EIF3M: variants seen among roughly 807,000 people sequenced by gnomAD.
EIF3M encodes B5 receptor.
A neutral mutation model predicts 49.7 loss-of-function variants in EIF3M; 25 were observed. The observed-to-expected ratio is 0.50, with a 90% CI of 0.37 to 0.70. The LOEUF (loss-of-function observed/expected upper bound fraction) is 0.70. EIF3M is among the 30% of genes least tolerant of loss of function. The pLI, the probability that EIF3M is intolerant of heterozygous loss-of-function variation, is 0.00. For synonymous variants in EIF3M, 156 were observed against 149.8 expected (o/e 1.04, Z -0.30); for missense variants, 350 against 440.0 (o/e 0.80, Z 1.83).
At position 32,602,120 on chromosome 11, in the gene EIF3M, G is replaced by T. The variant is rs533897916; in HGVS notation, c.1005-159G>T. The T allele has an allele frequency of 2.3e-4, 269 of 1,178,424 alleles. No individual in the cohort carries two copies. In the African/African-American group the frequency reaches 3.7e-3, roughly 16 times the overall value. The allele number at this position is 1,178,424 out of a possible 1,614,324, so 73.0% of individuals were successfully genotyped here. On this transcript the variant is annotated intron_variant, in intron 10 of 10. Coordinates refer to ENST00000531120, the MANE Select transcript of EIF3M (RefSeq NM_006360.6). Reference sequence around the variant, plus strand: ...GAAGGCTTAGGATCAATATGGTAAAGATTTTTTTTAAATAATTATGTAATT... The same window carrying T: ...GAAGGCTTAGGATCAATATGGTAAATATTTTTTTTAAATAATTATGTAATT...
chr11:32,588,917 A>C, intron 3 of EIF3M, 95 bp from the exon 4 acceptor site: 1 of 1,545,874 alleles, frequency 6.5e-7, no homozygotes, highest in Non-Finnish European at 8.7e-7. Flanking sequence ...TGAAGTTGTT[A>C]ACGGTACCTG....
At chr11:32,594,601 T>C (rs1208523701) in intron 6 of EIF3M, 3 of 215,452 alleles carry the variant, frequency 1.4e-5, no homozygotes, top group African/African-American at 7.0e-5. Context: ...GAGGAATAAA[T>C]GAGATGTAAG....
chr11:32,597,454 A>G (rs925699102), intron 8 of EIF3M, among the ~76,000 whole-genome samples: 9 of 152,230 alleles, frequency 5.9e-5, no homozygotes, highest in African/African-American at 2.2e-4. Context: ...GTAATTTTAC[A>G]TGATAGTAAG....
At chr11:32,591,471 A>G (rs1409066323) in intron 5 of EIF3M, among the ~76,000 whole-genome samples, 5 of 152,240 alleles carry the variant, frequency 3.3e-5, no homozygotes. Context: ...TTTACAGGGT[A>G]ACATGCCTGA....
At chr11:32,584,581 C>T (rs545643123) in intron 1 of EIF3M, among the ~76,000 whole-genome samples, 5 of 123,908 alleles carry the variant, frequency 4.0e-5, no homozygotes, top group Admixed American at 2.1e-4. Flanking sequence ...GCACTCCAGC[C>T]TGGGCGACAG....
At chr11:32,600,996 T>A (rs1855253692) in intron 9 of EIF3M, 164 bp downstream of exon 9, 2 of 857,346 alleles carry the variant, frequency 2.3e-6, no homozygotes, top group Admixed American at 3.3e-5. Flanking sequence ...GGGTGAAAAT[T>A]TAGTAGAAAT....
At chr11:32,593,097 G>A (rs538050990) in intron 5 of EIF3M, among the ~76,000 whole-genome samples, 1 of 152,290 alleles carries the variant, frequency 6.6e-6, no homozygotes, top group African/African-American at 2.4e-5. Context: ...AGTTCCTGCT[G>A]ATTTTGCCCA....
chr11:32,588,885 C>T lies in EIF3M; in HGVS notation c.315-127C>T, dbSNP rs184536848. 3.3e-6 allele frequency: 5 copies of T among 1,529,676 alleles called. No individual in the cohort carries two copies. The East Asian group carries it at 1.1e-4, about 35-fold the overall frequency. 94.8% of individuals were successfully genotyped at this position (1,529,676 alleles called of 1,614,324 possible). A position where few individuals can be genotyped will look rare whatever the true frequency, so the allele number is the denominator to read the frequency against. ...GGCAAGTGGCTTGACCTTTCTGTGC[C>T]CTAGTTTCCTCCTTTGTAATATGAA... is the stretch of plus-strand genomic sequence containing the variant. On this transcript the variant is annotated intron_variant, in intron 3 of 10. Coordinates refer to ENST00000531120, the MANE Select transcript of EIF3M (RefSeq NM_006360.6).
chr11:32,594,922 T>G lies in EIF3M; in HGVS notation c.626T>G (p.Val209Gly), dbSNP rs1168309573. 2 of 1,612,962 alleles carry G rather than the reference T, an allele frequency of 1.2e-6. No homozygotes were observed. Among genetic ancestry groups the G allele is most frequent in the African/African-American group, 1.3e-5 (1 of 74,892 alleles). ...QARVDAHRCI[V>G]RALKDPNAFL... ...TTTGTTCTCTAATTAAGGTGTATTGTACGAGCATTGAAAGATCCAAATGCA... is the reference window on the plus strand; with the variant it reads ...TTTGTTCTCTAATTAAGGTGTATTGGACGAGCATTGAAAGATCCAAATGCA... The change falls in exon 7 of 11, where the codon GTA (valine) becomes GGA (glycine). Residue 209 changes from valine (V) to glycine (G), a missense_variant. By Grantham distance (109) the Val-to-Gly change is moderately radical. Coordinates refer to ENST00000531120, the MANE Select transcript of EIF3M (RefSeq NM_006360.6).
intron 7 of EIF3M, 103 bp downstream of exon 7, chr11:32,595,116 A>C (rs1406473457): frequency 1.1e-6 from 1 of 901,376 alleles, no homozygotes; most frequent in African/African-American, 1.7e-5. Context: ...GACTAATGGC[A>C]AGATATGGAA....
At chr11:32,586,166 T>C (rs1219243473) in intron 1 of EIF3M, among the ~76,000 whole-genome samples, 1 of 152,070 alleles carries the variant, frequency 6.6e-6, no homozygotes, top group African/African-American at 2.4e-5. Flanking sequence ...GAGGCAGAGG[T>C]TGCAGTGAGC....
In EIF3M at chr11:32,600,841, G is replaced by A. The variant is rs763473605; in HGVS notation, c.943+9G>A. Reference sequence around the variant, plus strand: ...AGCATTTGTTATTGACGGTAAGGCAGACAGAACATTTTCATTTATTTCTAG... The same window carrying A: ...AGCATTTGTTATTGACGGTAAGGCAAACAGAACATTTTCATTTATTTCTAG... On this transcript the variant is annotated intron_variant, in intron 9 of 10. Coordinates refer to ENST00000531120, the MANE Select transcript of EIF3M (RefSeq NM_006360.6). 1.6e-5 allele frequency: 25 copies of A among 1,585,606 alleles called. No homozygotes were observed. The highest frequency in any genetic ancestry group is 8.6e-7 in the Non-Finnish European group (1 of 1,168,618).
Position 32,593,902 on chromosome 11 carries a change from A to G in EIF3M, c.570A>G (p.Gly190=), listed in dbSNP as rs1855140453. 6.3e-7 allele frequency: 1 copy of G among 1,580,802 alleles called. No individual in the cohort carries two copies. The highest frequency in any genetic ancestry group is 8.6e-7 in the Non-Finnish European group (1 of 1,164,998). The change falls in exon 6 of 11, where the codon GGA becomes GGG. Residue 190 remains glycine (G), a synonymous_variant. Coordinates refer to ENST00000531120, the MANE Select transcript of EIF3M (RefSeq NM_006360.6). ...CAAAAGTCATGGTGGAATTGCTCGG[A>G]AGTTACACAGAGGACAATGCTTCCC... ...AASKVMVELL[G]SYTEDNASQA...
At chr11:32,585,867 A>T (rs1419675680) in intron 1 of EIF3M, among the ~76,000 whole-genome samples, 1 of 152,116 alleles carries the variant, frequency 6.6e-6, no homozygotes, top group East Asian at 1.9e-4. Context: ...CTTGGTCTAG[A>T]AAATGTAATG....
intron 9 of EIF3M, chr11:32,601,519 A>G: frequency 3.5e-6 from 1 of 283,626 alleles, no homozygotes; most frequent in Non-Finnish European, 6.4e-6. Flanking sequence ...AAAAAAAAAA[A>G]AAAACAGCAA....
At chr11:32,596,333 G>T (rs1855177046) in intron 8 of EIF3M, among the ~76,000 whole-genome samples, 1 of 152,060 alleles carries the variant, frequency 6.6e-6, no homozygotes, top group Admixed American at 6.5e-5. Flanking sequence ...TGGCTTAGAG[G>T]TATAATCCCA....
At chr11:32,587,278 A>G (rs1486278052) in intron 2 of EIF3M, 134 bp downstream of exon 2, 1 of 886,200 alleles carries the variant, frequency 1.1e-6, no homozygotes, top group Non-Finnish European at 1.6e-6. Context: ...GACTGTATTT[A>G]TATGTTTTGA....
At position 32,604,793 on chromosome 11, in the gene EIF3M, AG is replaced by A. The variant is rs1292140341; in HGVS notation, c.*2395del. On this transcript the variant is annotated 3_prime_UTR_variant, in exon 11 of 11. Coordinates refer to ENST00000531120, the MANE Select transcript of EIF3M (RefSeq NM_006360.6). ...CATTAAAATCTTTTTCAATTTGACC[AG>A]TAAAAGTGGCATGTTAGTAACATTG... is the stretch of plus-strand genomic sequence containing the variant. 6.6e-6 allele frequency: 1 copy of A among 152,242 alleles called. No homozygotes were observed. Among genetic ancestry groups the A allele is most frequent in the Non-Finnish European group, 1.5e-5 (1 of 68,048 alleles). The allele number at this position is 152,242 out of a possible 1,614,324, so 9.4% of individuals were successfully genotyped here. A position where few individuals can be genotyped will look rare whatever the true frequency, so the allele number is the denominator to read the frequency against.
intron 7 of EIF3M, among the ~76,000 whole-genome samples, chr11:32,595,514 C>T (rs921495339): frequency 3.9e-5 from 6 of 152,148 alleles, no homozygotes; most frequent in African/African-American, 1.2e-4. Context: ...GGATTACAGG[C>T]GTGAGCCACT....
Sources: allele counts gnomAD v4.1 joint callset (sites outside exome capture counted in the v4.1 genomes callset), GRCh38; gene constraint gnomAD v4.1.1; transcripts MANE v1.5; gene names NCBI Gene and HGNC (gene_info 2026-07-23, HGNC 2026-07-21).